Variants in FBLN1 observed in about 807,000 individuals in gnomAD.
FBLN1 encodes fibulin 1.
A neutral mutation model predicts 89.7 loss-of-function variants in FBLN1; 34 were observed. That is an observed-to-expected ratio of 0.38 (90% CI 0.29 to 0.50). The LOEUF (loss-of-function observed/expected upper bound fraction) is 0.50. Ranked by LOEUF, FBLN1 falls within the 20% of genes least tolerant of loss-of-function variation. The pLI is 0.92. For synonymous variants in FBLN1, 393 were observed against 391.3 expected, an observed-to-expected ratio of 1.00 and a Z score of -0.05; for missense variants, 777 against 988.1, an observed-to-expected ratio of 0.79 and a Z score of 2.86.
intron 12 of FBLN1, among the ~76,000 whole-genome samples, chr22:45,548,080 GCT>G (rs2088654563): frequency 2.0e-5 from 3 of 152,180 alleles, no homozygotes; most frequent in Middle Eastern, 3.2e-3. Flanking sequence ...GACAGAGACA[GCT>G]CTGTCACCCA....
In FBLN1 at chr22:45,550,416, T is replaced by C; in HGVS notation, c.1574-76T>C. On this transcript the variant is annotated intron_variant, in intron 13 of 16. Coordinates refer to ENST00000327858, the MANE Select transcript of FBLN1 (RefSeq NM_006486.3). This position sits in a 1 kb window ranked among gnomAD's most constrained non-coding sequence, Gnocchi z 8.4. The stretch of plus-strand genomic sequence containing the variant: ...CCCTAACCCTAGTTGATGGGAGGCC[T>C]GGGCTCCTCCGTCTCCAGATGGGTA... The C allele has an allele frequency of 6.2e-7, 1 of 1,608,470 alleles. No homozygotes were observed. Among genetic ancestry groups the C allele is most frequent in the Non-Finnish European group, 8.5e-7 (1 of 1,176,946 alleles).
At chr22:45,564,676 C>T (rs2088886008) in intron 14 of FBLN1, among the ~76,000 whole-genome samples, 1 of 152,234 alleles carries the variant, frequency 6.6e-6, no homozygotes, top group African/African-American at 2.4e-5. Context: ...TCGCGTTTCA[C>T]ATTTGTCTTC....
rs144533240 is a variant in FBLN1, at chr22:45,569,751, C to T, written c.1698-4760C>T. Reference sequence around the variant, plus strand: ...GACACAGGGAGAAGTCAGACTTCTACAAGCCAAAGAGAGAGGCCTCAGAAA... The same window carrying T: ...GACACAGGGAGAAGTCAGACTTCTATAAGCCAAAGAGAGAGGCCTCAGAAA... On this transcript the variant is annotated intron_variant, in intron 14 of 16. Coordinates refer to ENST00000327858, the MANE Select transcript of FBLN1 (RefSeq NM_006486.3). Among the ~76,000 whole-genome samples, 134 of 152,262 alleles carry T rather than the reference C, an allele frequency of 8.8e-4. 1 individual carries two copies. Among genetic ancestry groups the T allele is most frequent in the Admixed American group, 3.5e-3 (54 of 15,294 alleles).
Position 45,562,966 on chromosome 22 carries a change from G to T in FBLN1, c.1698-11545G>T. 6.2e-7 allele frequency: 1 copy of T among 1,614,022 alleles called. No homozygotes were observed. The highest frequency in any genetic ancestry group is 2.2e-5 in the East Asian group (1 of 44,856). On this transcript the variant is annotated intron_variant, in intron 14 of 16. Transcript: ENST00000327858. The surrounding 1 kb of genome is among the most constrained non-coding windows in gnomAD (Gnocchi z 7.8). The stretch of plus-strand genomic sequence containing the variant: ...ATCGGGAGTGCTCCAAGCTGCCTCT[G>T]AGAATAACCTACTACCACCTCTCTT...
intron 9 of FBLN1, among the ~76,000 whole-genome samples, chr22:45,541,916 G>A (rs1453076843): frequency 2.0e-5 from 3 of 152,190 alleles, no homozygotes; most frequent in Non-Finnish European, 4.4e-5. Context: ...TGGGTTCCTG[G>A]GCACTTCCTA....
chr22:45,505,584 AG>A (rs1182920231), intron 1 of FBLN1, among the ~76,000 whole-genome samples: 1 of 152,188 alleles, frequency 6.6e-6, no homozygotes, highest in Non-Finnish European at 1.5e-5. Context: ...ACTCATCTTC[AG>A]GTCCTGGAGG....
At chr22:45,508,246 C>T (rs1007969302) in intron 1 of FBLN1, among the ~76,000 whole-genome samples, 5 of 151,916 alleles carry the variant, frequency 3.3e-5, no homozygotes, top group Admixed American at 1.3e-4. Flanking sequence ...TTGGCCCTGA[C>T]GTCATACCCC....
intron 14 of FBLN1, among the ~76,000 whole-genome samples, chr22:45,553,838 C>T (rs1287683430): frequency 6.6e-6 from 1 of 152,196 alleles, no homozygotes; most frequent in Non-Finnish European, 1.5e-5. Flanking sequence ...CATTGCTTTC[C>T]TCCGCTTCCC....
intron 14 of FBLN1, among the ~76,000 whole-genome samples, chr22:45,552,366 A>C (rs932676668): frequency 6.6e-6 from 1 of 152,318 alleles, no homozygotes; most frequent in African/African-American, 2.4e-5. Context: ...TGTGCTGTGC[A>C]GTAAGGGATT....
At chr22:45,587,444 A>G (rs901853485) in intron 16 of FBLN1, among the ~76,000 whole-genome samples, 1 of 151,752 alleles carries the variant, frequency 6.6e-6, no homozygotes, top group Admixed American at 6.6e-5. Flanking sequence ...GCCCGGCCAG[A>G]GAGACATCCT....
intron 16 of FBLN1, among the ~76,000 whole-genome samples, chr22:45,585,903 CCTT>C (rs1211795856): frequency 2.6e-5 from 4 of 152,164 alleles, no homozygotes; most frequent in Non-Finnish European, 5.9e-5. Flanking sequence ...TGTTATCCCT[CCTT>C]GAGGTTATCA....
At position 45,574,745 on chromosome 22, in the gene FBLN1, G is replaced by T; in HGVS notation, c.1840+92G>T. 1.2e-5 allele frequency: 11 copies of T among 911,810 alleles called. No individual in the cohort carries two copies. The highest frequency in any genetic ancestry group is 1.5e-5 in the Non-Finnish European group (9 of 581,722). 56.5% of individuals were successfully genotyped at this position (911,810 alleles called of 1,614,324 possible). On this transcript the variant is annotated intron_variant, in intron 15 of 16. Coordinates refer to ENST00000327858, the MANE Select transcript of FBLN1 (RefSeq NM_006486.3). This position sits in a 1 kb window ranked among gnomAD's most constrained non-coding sequence, Gnocchi z 4.1. The stretch of plus-strand genomic sequence containing the variant: ...GGCCTACAGGAGTTGTTCCTTGTAA[G>T]ATGTGGCCCAGGCTTTGAAATGCAG...
Position 45,562,795 on chromosome 22 carries a change from C to A in FBLN1, c.1698-11716C>A. 9.9e-7 allele frequency: 1 copy of A among 1,007,952 alleles called. No homozygotes were observed. The highest frequency in any genetic ancestry group is 2.4e-5 in the East Asian group (1 of 42,262). 62.4% of individuals were successfully genotyped at this position (1,007,952 alleles called of 1,614,324 possible). A position where few individuals can be genotyped will look rare whatever the true frequency, so the allele number is the denominator to read the frequency against. ...GTGCCCTTCGTGTTGGCTGAATCGG[C>A]CAGAGGGGCGGCGGGAGGCCCCGCC... is the stretch of plus-strand genomic sequence containing the variant. On this transcript the variant is annotated intron_variant, in intron 14 of 16. Coordinates refer to ENST00000327858, the MANE Select transcript of FBLN1 (RefSeq NM_006486.3). This position sits in a 1 kb window ranked among gnomAD's most constrained non-coding sequence, Gnocchi z 7.8.
In FBLN1 at chr22:45,550,386, G is replaced by A. The variant is rs1242092391; in HGVS notation, c.1574-106G>A. 20 of 1,549,442 alleles carry A rather than the reference G, an allele frequency of 1.3e-5. No homozygotes were observed. Among genetic ancestry groups the A allele is most frequent in the Admixed American group, 5.0e-5 (3 of 59,532 alleles). Reference sequence around the variant, plus strand: ...AGTGGAGGGCAGGGATGGCCTGATCGCCACCCCTAACCCTAGTTGATGGGA... The same window carrying A: ...AGTGGAGGGCAGGGATGGCCTGATCACCACCCCTAACCCTAGTTGATGGGA... On this transcript the variant is annotated intron_variant, in intron 13 of 16. Transcript: ENST00000327858. This position sits in a 1 kb window ranked among gnomAD's most constrained non-coding sequence, Gnocchi z 8.4.
In FBLN1 at chr22:45,556,060, A is replaced by C. The variant is rs2088784412; in HGVS notation, c.1697+5445A>C. 1.3e-5 allele frequency among the ~76,000 whole-genome samples: 2 copies of C among 152,078 alleles called. No homozygotes were observed. The highest frequency in any genetic ancestry group is 4.8e-5 in the African/African-American group (2 of 41,388). On this transcript the variant is annotated intron_variant, in intron 14 of 16. Coordinates refer to ENST00000327858, the MANE Select transcript of FBLN1 (RefSeq NM_006486.3). This position sits in a 1 kb window ranked among gnomAD's most constrained non-coding sequence, Gnocchi z 4.6. ...GCCGAGGCTGAAGTGTGGTGGTGTG[A>C]TTTTGTCTCACCGCAACCTCCACGT...
rs1483008618 is a variant in FBLN1 at position 45,530,138 on chromosome 22, T to C, written c.485-1127T>C. ...GATGCCACTGAGATGATTTCAGATG[T>C]TACAGTCATCAAGAGGGATTGGGGC... On this transcript the variant is annotated intron_variant, in intron 4 of 16. Transcript: ENST00000327858. The surrounding 1 kb of genome is among the most constrained non-coding windows in gnomAD (Gnocchi z 5.4). 6.6e-6 allele frequency among the ~76,000 whole-genome samples: 1 copy of C among 152,146 alleles called. No homozygotes were observed. Among genetic ancestry groups the C allele is most frequent in the African/African-American group, 2.4e-5 (1 of 41,432 alleles).
chr22:45,601,033 C>G lies in FBLN1; in HGVS notation c.*587C>G, dbSNP rs1293150110. 1 of 164,686 alleles carries G rather than the reference C, an allele frequency of 6.1e-6. No homozygotes were observed. The highest frequency in any genetic ancestry group is 5.8e-5 in the Admixed American group (1 of 17,388). 10.2% of individuals were successfully genotyped at this position (164,686 alleles called of 1,614,324 possible). A position where few individuals can be genotyped will look rare whatever the true frequency, so the allele number is the denominator to read the frequency against. On this transcript the variant is annotated 3_prime_UTR_variant, in exon 17 of 17. Transcript: ENST00000327858. ...ACACAGCCTGTTAGGCTCGTGTGGG[C>G]CTCCAGTATGTTCACCAGGGGAATG...
chr22:45,516,066 G>T (rs1229098710), intron 1 of FBLN1, among the ~76,000 whole-genome samples: 1 of 152,196 alleles, frequency 6.6e-6, no homozygotes, highest in Non-Finnish European at 1.5e-5. Context: ...CATGCGCCAG[G>T]CACGGGGTGA....
chr22:45,535,577 A>G (rs2088473797), intron 8 of FBLN1: 1 of 521,544 alleles, frequency 1.9e-6, no homozygotes. Flanking sequence ...GCCATCTGTA[A>G]ACAAATGGGT....
Sources: gnomAD v4.1 joint callset for allele counts (sites outside exome capture counted in the v4.1 genomes callset) on GRCh38, gnomAD v4.1.1 for gene constraint, Gnocchi (gnomAD v3.1) non-coding constraint, MANE v1.5 for transcripts, NCBI Gene and HGNC (gene_info 2026-07-23, HGNC 2026-07-21) for gene names.